Variants in TAOK1 observed in about 807,000 individuals in gnomAD.
TAOK1 encodes the protein TAO kinase 1, also known as serine/threonine-protein kinase TAO1.
Under a neutral mutation model 138.3 loss-of-function variants are expected in TAOK1, and 21 were observed. That is an observed-to-expected ratio of 0.15 (90% CI 0.11 to 0.22). TAOK1 has a LOEUF of 0.22. TAOK1 is among the 10% of genes least tolerant of loss of function. The pLI, the probability that TAOK1 is intolerant of heterozygous loss-of-function variation, is 1.00. For missense variants in TAOK1, 651 were observed against 1,227.7 expected, an observed-to-expected ratio of 0.53 and a Z score of 7.02; for synonymous variants, 361 against 398.4, an observed-to-expected ratio of 0.91 and a Z score of 1.12.
chr17:29,445,572 T>C (rs1374194825), intron 1 of TAOK1, among the ~76,000 whole-genome samples: 1 of 152,234 alleles, frequency 6.6e-6, no homozygotes, highest in African/African-American at 2.4e-5. Flanking sequence ...TTTCTGCCTC[T>C]GTTTATATTT....
chr17:29,481,887 G>C (rs2031071772), intron 7 of TAOK1, among the ~76,000 whole-genome samples: 1 of 152,134 alleles, frequency 6.6e-6, no homozygotes, highest in African/African-American at 2.4e-5. Flanking sequence ...GTGAACCCGG[G>C]AGGCAGAGCT....
intron 14 of TAOK1, among the ~76,000 whole-genome samples, chr17:29,508,623 A>G (rs958536432): frequency 6.6e-6 from 1 of 152,184 alleles, no homozygotes; most frequent in African/African-American, 2.4e-5. Flanking sequence ...TTAGGTCTCA[A>G]AAAGTCACTT....
At chr17:29,533,604 G>C (rs371973447) in intron 18 of TAOK1, among the ~76,000 whole-genome samples, 151 of 149,118 alleles carry the variant, frequency 1.0e-3, no homozygotes, top group African/African-American at 3.8e-3. Context: ...CTCGGGAGGC[G>C]GAGGCTGGCG....
At chr17:29,499,537 T>C (rs1237932519) in intron 12 of TAOK1, among the ~76,000 whole-genome samples, 1 of 145,790 alleles carries the variant, frequency 6.9e-6, no homozygotes, top group Non-Finnish European at 1.5e-5. Flanking sequence ...AAGACGTTTA[T>C]ATCTTTTTTT....
In TAOK1 at chr17:29,543,290, T is replaced by G; in HGVS notation, c.*268T>G. On this transcript the variant is annotated 3_prime_UTR_variant, in exon 20 of 20. Transcript: ENST00000261716. The stretch of plus-strand genomic sequence containing the variant: ...AAATGTGTATGTGTGTACATATATA[T>G]ACACACACATACACATATATTATGC... 1 of 242,410 alleles carries G rather than the reference T, an allele frequency of 4.1e-6. No individual in the cohort carries two copies. Among genetic ancestry groups the G allele is most frequent in the Non-Finnish European group, 8.1e-6 (1 of 123,702 alleles). 15.0% of individuals were successfully genotyped at this position (242,410 alleles called of 1,614,324 possible). A position where few individuals can be genotyped will look rare whatever the true frequency, so the allele number is the denominator to read the frequency against.
chr17:29,507,769 T>C (rs940758158), intron 13 of TAOK1, 127 bp from the exon 14 acceptor site: 2 of 855,422 alleles, frequency 2.3e-6, no homozygotes, highest in African/African-American at 1.7e-5. Flanking sequence ...GGAAATTTCC[T>C]TGGAATCTGC....
chr17:29,525,436 C>T (rs1012240234), intron 17 of TAOK1, among the ~76,000 whole-genome samples: 4 of 151,326 alleles, frequency 2.6e-5, no homozygotes, highest in East Asian at 1.9e-4. Context: ...AACAGAGTTT[C>T]GCTCTTGTCG....
intron 17 of TAOK1, among the ~76,000 whole-genome samples, chr17:29,527,000 C>T (rs142764024): frequency 1.2e-3 from 188 of 152,150 alleles, no homozygotes; most frequent in Non-Finnish European, 2.1e-3. Context: ...GTGGCATGCA[C>T]CTGTAGTCCC....
intron 1 of TAOK1, among the ~76,000 whole-genome samples, chr17:29,414,578 A>T (rs1264670960): frequency 6.9e-6 from 1 of 145,660 alleles, no homozygotes; most frequent in Non-Finnish European, 1.5e-5. Context: ...TTTATTTGAG[A>T]TGGAGTCTCA....
At chr17:29,497,115 AT>A (rs1219900136) in intron 11 of TAOK1, among the ~76,000 whole-genome samples, 1 of 152,066 alleles carries the variant, frequency 6.6e-6, no homozygotes, top group Non-Finnish European at 1.5e-5. Context: ...GTGTAAAGCT[AT>A]TTTTTCCCTC....
At chr17:29,471,335 A>T (rs554671590) in intron 3 of TAOK1, among the ~76,000 whole-genome samples, 8 of 117,282 alleles carry the variant, frequency 6.8e-5, no homozygotes, top group African/African-American at 2.7e-4. Flanking sequence ...GCTGGAGTGC[A>T]GTGGCGCAAT....
chr17:29,530,478 A>G lies in TAOK1; in HGVS notation c.2220A>G (p.Leu740=), dbSNP rs1423880417. 6.2e-7 allele frequency: 1 copy of G among 1,614,036 alleles called. No homozygotes were observed. Among genetic ancestry groups the G allele is most frequent in the Non-Finnish European group, 8.5e-7 (1 of 1,180,040 alleles). The change falls in exon 18 of 20, where the codon TTA becomes TTG. Residue 740 remains leucine, a synonymous_variant. Transcript: ENST00000261716. ...TCCAAACCAGACAGTACAAAGCATT[A>G]AGAAATCACCTGCTGGAGACTACAC... The part of the protein sequence containing the change: ...CKIQTRQYKA[L]RNHLLETTPK...
intron 2 of TAOK1, among the ~76,000 whole-genome samples, chr17:29,460,044 CTA>C (rs2030495605): frequency 6.6e-6 from 1 of 152,168 alleles, no homozygotes; most frequent in African/African-American, 2.4e-5. Flanking sequence ...TTAGGCCTGC[CTA>C]TATGATCTAC....
chr17:29,475,347 C>T (rs2030922018), intron 3 of TAOK1, among the ~76,000 whole-genome samples: 1 of 152,118 alleles, frequency 6.6e-6, no homozygotes, highest in Non-Finnish European at 1.5e-5. Flanking sequence ...TGAGACCAGT[C>T]TGAGCAATGC....
chr17:29,525,101 T>TTTTTGTTTTG (rs577019923), intron 17 of TAOK1, among the ~76,000 whole-genome samples: 3 of 151,792 alleles, frequency 2.0e-5, no homozygotes, highest in Admixed American at 6.6e-5. Context: ...ATGTTTGTTT[T>TTTTTGTTTTG]TTTTGTTTTG....
At chr17:29,503,421 G>A (rs974348728) in intron 13 of TAOK1, among the ~76,000 whole-genome samples, 1 of 148,012 alleles carries the variant, frequency 6.8e-6, no homozygotes, top group Non-Finnish European at 1.5e-5. Context: ...AAAAAAGAAT[G>A]TGGACAGTAA....
intron 1 of TAOK1, among the ~76,000 whole-genome samples, chr17:29,401,211 A>G (rs1350471117): frequency 6.6e-6 from 1 of 152,008 alleles, no homozygotes; most frequent in Non-Finnish European, 1.5e-5. Flanking sequence ...TATTGTGCTC[A>G]GCAGTTTGCC....
At chr17:29,458,113 A>AG (rs960430195) in intron 2 of TAOK1, among the ~76,000 whole-genome samples, 12 of 151,780 alleles carry the variant, frequency 7.9e-5, no homozygotes, top group African/African-American at 2.9e-4. Context: ...CCATCTTGAA[A>AG]AAAAAAAAAT....
At chr17:29,465,128 A>ATT (rs57794003) in intron 2 of TAOK1, among the ~76,000 whole-genome samples, 1,613 of 63,198 alleles carry the variant, frequency 0.026, 259 homozygotes, top group African/African-American at 0.059. Flanking sequence ...GTCTTATTTA[A>ATT]TTTTTTTTTT....
Sources: gnomAD v4.1 joint callset for allele counts (sites outside exome capture counted in the v4.1 genomes callset) on GRCh38, gnomAD v4.1.1 for gene constraint, MANE v1.5 for transcripts, NCBI Gene and HGNC (gene_info 2026-07-23, HGNC 2026-07-21) for gene names.